TSPAN18: variants seen among roughly 807,000 people sequenced by gnomAD.
The protein encoded by TSPAN18 is tetraspanin-18.
In TSPAN18, 14 loss-of-function variants were observed where a neutral mutation model predicts 27.3. The observed-to-expected ratio is 0.51, with a 90% confidence interval of 0.34 to 0.80. TSPAN18 has a LOEUF of 0.80. Ranked by LOEUF, TSPAN18 falls within the 30% of genes least tolerant of loss-of-function variation. TSPAN18 has a pLI of 0.01. For synonymous variants in TSPAN18, 143 were observed against 136.5 expected (o/e 1.05, Z -0.33); for missense variants, 268 against 323.9 (o/e 0.83, Z 1.32).
rs72469181 is a variant in TSPAN18, at chr11:44,900,680, C to CTTTTT, written c.-10-5700_-10-5696dup. ...TATTTTCCATACAACTTGAGGAAGG[C>CTTTTT]TTTTTTTTTTTTTTTTTTTTTTTTT... On this transcript the variant is annotated intron_variant, in intron 3 of 9. Coordinates refer to ENST00000520358, the MANE Select transcript of TSPAN18 (RefSeq NM_130783.5). 8.0e-4 allele frequency among the ~76,000 whole-genome samples: 40 copies of CTTTTT among 49,730 alleles called. 5 individuals are homozygous for CTTTTT. Among genetic ancestry groups the CTTTTT allele is most frequent in the African/African-American group, 3.2e-3 (36 of 11,126 alleles). The allele number at this position is 49,730 out of a possible 152,430, so 32.6% of individuals were successfully genotyped here.
intron 8 of TSPAN18, among the ~76,000 whole-genome samples, chr11:44,921,020 C>T (rs1055279637): frequency 5.9e-5 from 9 of 152,302 alleles, no homozygotes; most frequent in African/African-American, 2.2e-4. Context: ...GGCCTGGGTC[C>T]TGGGGCTCTG....
chr11:44,743,970 T>G (rs1327457955), intron 1 of TSPAN18, among the ~76,000 whole-genome samples: 6 of 152,244 alleles, frequency 3.9e-5, no homozygotes, highest in South Asian at 4.1e-4. Context: ...TTAGTTATTT[T>G]TGTTTTTTAA....
chr11:44,796,912 C>CT (rs1012837514), intron 2 of TSPAN18, among the ~76,000 whole-genome samples: 3 of 152,138 alleles, frequency 2.0e-5, no homozygotes, highest in African/African-American at 7.2e-5. Context: ...AGAACTGTGG[C>CT]TTCTTGAAGG....
chr11:44,772,503 T>C (rs901309209), intron 2 of TSPAN18, among the ~76,000 whole-genome samples: 6 of 152,204 alleles, frequency 3.9e-5, no homozygotes, highest in African/African-American at 1.4e-4. Flanking sequence ...AAACAATACA[T>C]GAAGAAACTT....
intron 2 of TSPAN18, among the ~76,000 whole-genome samples, chr11:44,770,005 G>A (rs1342517159): frequency 4.6e-5 from 7 of 152,176 alleles, no homozygotes; most frequent in South Asian, 4.1e-4. Flanking sequence ...TGGGTGTGGC[G>A]ATAACAATGC....
In TSPAN18 at chr11:44,790,298, T is replaced by C. The variant is rs550241016; in HGVS notation, c.-153+25786T>C. 2.0e-5 allele frequency among the ~76,000 whole-genome samples: 3 copies of C among 151,384 alleles called. No homozygotes were observed. In the East Asian group the frequency reaches 5.9e-4, roughly 30 times the overall value. ...GTGCATGTGTTCGTGTATGTGCATG[T>C]GTGTGTGCATGTGTTTGTGCATGCT... On this transcript the variant is annotated intron_variant, in intron 2 of 9. Transcript: ENST00000520358.
chr11:44,734,721 T>G (rs1239633996), intron 1 of TSPAN18, among the ~76,000 whole-genome samples: 7 of 152,236 alleles, frequency 4.6e-5, no homozygotes, highest in Non-Finnish European at 7.3e-5. Flanking sequence ...TAGGCCCATC[T>G]TTTCATGTCT....
intron 5 of TSPAN18, among the ~76,000 whole-genome samples, chr11:44,916,759 G>C (rs1022863672): frequency 1.3e-5 from 2 of 152,132 alleles, no homozygotes; most frequent in African/African-American, 4.8e-5. Context: ...CGGTCCTAAC[G>C]ACTGGGACCC....
chr11:44,859,327 A>T (rs984448186), intron 2 of TSPAN18, among the ~76,000 whole-genome samples: 1 of 152,114 alleles, frequency 6.6e-6, no homozygotes, highest in African/African-American at 2.4e-5. Context: ...CCTCTGCGTC[A>T]CCTCCTTAAC....
At chr11:44,791,920 T>A (rs1856234727) in intron 2 of TSPAN18, among the ~76,000 whole-genome samples, 1 of 152,156 alleles carries the variant, frequency 6.6e-6, no homozygotes. Context: ...GGCTAGCATT[T>A]TATTTGTTCA....
At chr11:44,791,663 C>G (rs954496258) in intron 2 of TSPAN18, among the ~76,000 whole-genome samples, 1 of 152,208 alleles carries the variant, frequency 6.6e-6, no homozygotes, top group Admixed American at 6.5e-5. Context: ...GAACCAGTCT[C>G]TAAGGTCTGG....
intron 3 of TSPAN18, among the ~76,000 whole-genome samples, chr11:44,895,166 A>G (rs1169850885): frequency 6.6e-6 from 1 of 152,216 alleles, no homozygotes; most frequent in African/African-American, 2.4e-5. Context: ...GCAATTTGTT[A>G]GAATTTGGGT....
chr11:44,908,769 G>GAGAAAGAA (rs370907948), intron 4 of TSPAN18, among the ~76,000 whole-genome samples: 6,505 of 71,472 alleles, frequency 0.091, 667 homozygotes, highest in Middle Eastern at 0.18. Context: ...AGAGAGAAAG[G>GAGAAAGAA]AGAAAGAAAG....
intron 2 of TSPAN18, among the ~76,000 whole-genome samples, chr11:44,767,429 T>C (rs1855593044): frequency 6.6e-6 from 1 of 152,256 alleles, no homozygotes; most frequent in East Asian, 1.9e-4. Flanking sequence ...GAGCTCCTCA[T>C]GGCATTCTCT....
At chr11:44,907,990 GGTT>G (rs1263740158) in intron 4 of TSPAN18, among the ~76,000 whole-genome samples, 2 of 151,432 alleles carry the variant, frequency 1.3e-5, no homozygotes. Context: ...GCGAGGCAGA[GGTT>G]GTGGTGAGCC....
chr11:44,915,984 T>C (rs1268171135), intron 5 of TSPAN18, among the ~76,000 whole-genome samples: 1 of 152,136 alleles, frequency 6.6e-6, no homozygotes, highest in African/African-American at 2.4e-5. Context: ...CTTGATGTGG[T>C]GGCTGGGGAC....
chr11:44,805,881 C>T (rs536379160), intron 2 of TSPAN18, among the ~76,000 whole-genome samples: 2 of 152,178 alleles, frequency 1.3e-5, no homozygotes, highest in African/African-American at 2.4e-5. Context: ...TCTCTCTCTG[C>T]CTCCTCTCCT....
chr11:44,837,329 A>G (rs1220889574), intron 2 of TSPAN18, among the ~76,000 whole-genome samples: 1 of 152,246 alleles, frequency 6.6e-6, no homozygotes, highest in Non-Finnish European at 1.5e-5. Context: ...TAGAAATGGC[A>G]AGGGACCTAG....
At chr11:44,882,625 C>CAT (rs149910008) in intron 3 of TSPAN18, among the ~76,000 whole-genome samples, 1,133 of 62,192 alleles carry the variant, frequency 0.018, 5 homozygotes, top group Non-Finnish European at 0.047. Context: ...CACACACACA[C>CAT]ACAGAGAGAG....
Sources: allele counts gnomAD v4.1 joint callset (sites outside exome capture counted in the v4.1 genomes callset), GRCh38; gene constraint gnomAD v4.1.1; transcripts MANE v1.5; gene names NCBI Gene and HGNC (gene_info 2026-07-23, HGNC 2026-07-21).